EPHB1: variants seen among roughly 807,000 people sequenced by gnomAD.
EPHB1 encodes ephrin type-B receptor 1.
In EPHB1, 30 loss-of-function variants were observed where a neutral mutation model predicts 94.4. That is an observed-to-expected ratio of 0.32 (90% CI 0.24 to 0.43). EPHB1 has a LOEUF of 0.43. Ranked by LOEUF, EPHB1 falls within the 20% of genes least tolerant of loss-of-function variation. EPHB1 has a pLI of 1.00. For missense variants in EPHB1, 1,055 were observed against 1,308.3 expected (o/e 0.81, Z 2.99); for synonymous variants, 522 against 489.1 (o/e 1.07, Z -0.89).
chr3:134,908,498 A>G (rs2038384001), intron 1 of EPHB1, among the ~76,000 whole-genome samples: 1 of 152,230 alleles, frequency 6.6e-6, no homozygotes, highest in African/African-American at 2.4e-5. Context: ...GGAGGGCAAT[A>G]GGGCTTTTGT....
chr3:134,949,222 G>T (rs1932918935), intron 2 of EPHB1, among the ~76,000 whole-genome samples: 1 of 152,264 alleles, frequency 6.6e-6, no homozygotes, highest in African/African-American at 2.4e-5. Flanking sequence ...GTTGGTGAGG[G>T]ACTGGCAGGA....
At chr3:134,803,050 G>A (rs1420765343) in intron 1 of EPHB1, among the ~76,000 whole-genome samples, 1 of 152,192 alleles carries the variant, frequency 6.6e-6, no homozygotes, top group African/African-American at 2.4e-5. Flanking sequence ...CCCAGCACCT[G>A]CAGACAGCAC....
intron 5 of EPHB1, among the ~76,000 whole-genome samples, chr3:135,142,168 G>C (rs1940851555): frequency 1.3e-5 from 2 of 152,200 alleles, no homozygotes; most frequent in South Asian, 4.1e-4. Flanking sequence ...TGAGAGTGAA[G>C]GGGGAAGTAT....
At chr3:135,078,546 C>T (rs569367177) in intron 3 of EPHB1, among the ~76,000 whole-genome samples, 4 of 152,324 alleles carry the variant, frequency 2.6e-5, no homozygotes, top group African/African-American at 4.8e-5. Context: ...CTGGCCACAG[C>T]GAAATGGGTG....
intron 3 of EPHB1, among the ~76,000 whole-genome samples, chr3:135,030,636 A>T (rs1017902663): frequency 2.6e-5 from 4 of 152,232 alleles, no homozygotes; most frequent in Admixed American, 6.5e-5. Context: ...AAGCTGTCAG[A>T]CAGGGACATT....
intron 3 of EPHB1, among the ~76,000 whole-genome samples, chr3:135,007,649 T>A (rs1200794928): frequency 6.6e-6 from 1 of 152,204 alleles, no homozygotes; most frequent in Non-Finnish European, 1.5e-5. Flanking sequence ...CTTCACATAT[T>A]GTGCTGCAAA....
At chr3:134,801,099 T>C (rs759492374) in intron 1 of EPHB1, among the ~76,000 whole-genome samples, 30 of 152,206 alleles carry the variant, frequency 2.0e-4, no homozygotes, top group Non-Finnish European at 4.0e-4. Flanking sequence ...CTTCATTGAC[T>C]CACTGGGAGC....
intron 10 of EPHB1, among the ~76,000 whole-genome samples, chr3:135,186,636 C>T (rs17710779): frequency 0.012 from 1,820 of 150,746 alleles, 23 homozygotes; most frequent in Non-Finnish European, 0.014. Flanking sequence ...TGTGCATAAC[C>T]AGAAGCTACT....
intron 1 of EPHB1, among the ~76,000 whole-genome samples, chr3:134,857,534 T>A (rs1295470861): frequency 6.6e-6 from 1 of 152,136 alleles, no homozygotes; most frequent in Non-Finnish European, 1.5e-5. Context: ...CAGATTTCAG[T>A]TTGGCATGTG....
intron 3 of EPHB1, among the ~76,000 whole-genome samples, chr3:135,014,693 A>G (rs747855240): frequency 3.9e-5 from 6 of 152,136 alleles, no homozygotes; most frequent in Admixed American, 6.6e-5. Context: ...ACCCTTCCAA[A>G]TGGATCACAT....
chr3:135,087,196 T>C (rs1938390050), intron 3 of EPHB1, among the ~76,000 whole-genome samples: 1 of 152,192 alleles, frequency 6.6e-6, no homozygotes, highest in Non-Finnish European at 1.5e-5. Context: ...AAATGTGCTT[T>C]GCTTGATGAA....
At chr3:135,068,245 C>T (rs1281043381) in intron 3 of EPHB1, among the ~76,000 whole-genome samples, 2 of 152,194 alleles carry the variant, frequency 1.3e-5, no homozygotes, top group Admixed American at 1.3e-4. Context: ...TGATCGGGAA[C>T]CAATCCAAAC....
intron 14 of EPHB1, 100 bp from the exon 15 acceptor site, chr3:135,249,236 A>G (rs1013998497): frequency 1.5e-6 from 2 of 1,360,496 alleles, no homozygotes; most frequent in Non-Finnish European, 2.0e-6. Flanking sequence ...TCATTCCATC[A>G]GGGATGCTGC....
chr3:135,114,355 A>G (rs1939587414), intron 4 of EPHB1, among the ~76,000 whole-genome samples: 1 of 151,800 alleles, frequency 6.6e-6, no homozygotes, highest in Non-Finnish European at 1.5e-5. Context: ...ATTCCATAAA[A>G]TGGGGATAAT....
At chr3:134,959,966 C>CTTTTTTTTTTTTTTTTT (rs61369813) in intron 3 of EPHB1, among the ~76,000 whole-genome samples, 4 of 107,424 alleles carry the variant, frequency 3.7e-5, no homozygotes, top group Admixed American at 1.0e-4. Context: ...ACATCTGCAC[C>CTTTTTTTTTTTTTTTTT]TTTTTTTTTT....
chr3:134,881,616 A>G (rs892270365), intron 1 of EPHB1, among the ~76,000 whole-genome samples: 3 of 152,208 alleles, frequency 2.0e-5, no homozygotes, highest in African/African-American at 7.2e-5. Context: ...ATCTCTCTTT[A>G]AAACAGGCAA....
At chr3:135,026,251 C>A (rs1936163976) in intron 3 of EPHB1, among the ~76,000 whole-genome samples, 2 of 132,746 alleles carry the variant, frequency 1.5e-5, no homozygotes, top group Admixed American at 8.0e-5. Flanking sequence ...TCTTTTGTTG[C>A]CATTGCTTTT....
intron 1 of EPHB1, among the ~76,000 whole-genome samples, chr3:134,920,955 C>T (rs903606050): frequency 2.6e-5 from 4 of 151,950 alleles, no homozygotes; most frequent in Non-Finnish European, 5.9e-5. Flanking sequence ...TGTTATGTTG[C>T]TCAGGTTGGT....
intron 1 of EPHB1, among the ~76,000 whole-genome samples, chr3:134,824,551 C>T (rs73229116): frequency 0.047 from 7,102 of 152,270 alleles, 183 homozygotes; most frequent in Middle Eastern, 0.068. Flanking sequence ...CCAACAAGCT[C>T]TTTGGTGATG....
Sources: allele counts gnomAD v4.1 joint callset (sites outside exome capture counted in the v4.1 genomes callset), GRCh38; gene constraint gnomAD v4.1.1; transcripts MANE v1.5; gene names NCBI Gene and HGNC (gene_info 2026-07-23, HGNC 2026-07-21).